LAPTM4B: variants seen among roughly 807,000 people sequenced by gnomAD.
LAPTM4B encodes lysosomal-associated transmembrane protein 4B.
LAPTM4B carries 26 observed loss-of-function variants against 28.5 expected under a neutral mutation model. That is an observed-to-expected ratio of 0.91 (90% CI 0.67 to 1.27). The LOEUF (loss-of-function observed/expected upper bound fraction) is 1.27. LAPTM4B is among the 50% of genes most tolerant of loss of function. The pLI, the probability that LAPTM4B is intolerant of heterozygous loss-of-function variation, is 0.00. For synonymous variants in LAPTM4B, 109 were observed against 106.4 expected (o/e 1.02, Z -0.15); for missense variants, 288 against 285.8 (o/e 1.01, Z -0.06).
chr8:97,777,310 C>T (rs993891959), intron 1 of LAPTM4B, among the ~76,000 whole-genome samples: 3 of 151,718 alleles, frequency 2.0e-5, no homozygotes, highest in Admixed American at 6.6e-5. Context: ...CTATGCCTAG[C>T]TAATTTTTTG....
chr8:97,792,470 G>A lies in LAPTM4B; in HGVS notation c.100-12883G>A, dbSNP rs1033874234. On this transcript the variant is annotated intron_variant, in intron 1 of 6. Transcript: ENST00000521545. ...GGGTTTCACCATGTTGTTCAGGCTG[G>A]TCTCAAACTCCTGAGCTCAAATGAT... 4.6e-5 allele frequency among the ~76,000 whole-genome samples: 7 copies of A among 152,112 alleles called. No individual in the cohort carries two copies. In the East Asian group the frequency reaches 1.2e-3, roughly 25 times the overall value.
intron 6 of LAPTM4B, among the ~76,000 whole-genome samples, chr8:97,838,249 G>A (rs148420389): frequency 2.6e-5 from 4 of 152,288 alleles, no homozygotes; most frequent in African/African-American, 7.2e-5. Flanking sequence ...CACCTTGAAC[G>A]TCATCTGGCC....
chr8:97,813,236 G>C (rs1029289491), intron 2 of LAPTM4B, among the ~76,000 whole-genome samples: 4 of 152,232 alleles, frequency 2.6e-5, no homozygotes, highest in African/African-American at 9.6e-5. Context: ...TCAGTTTGTG[G>C]CCAAAGGCCG....
intron 2 of LAPTM4B, among the ~76,000 whole-genome samples, chr8:97,807,887 T>TAAAA (rs58830867): frequency 1.2e-4 from 17 of 139,968 alleles, no homozygotes; most frequent in African/African-American, 4.3e-4. Flanking sequence ...AGAGATAACT[T>TAAAA]AAAAAAAAAA....
rs538572268 is a variant in LAPTM4B at position 97,841,491 on chromosome 8, C to T, written c.604-9906C>T. 1.1e-3 allele frequency among the ~76,000 whole-genome samples: 161 copies of T among 152,166 alleles called. 1 individual carries two copies. Among genetic ancestry groups the T allele is most frequent in the South Asian group, 8.1e-3 (39 of 4,816 alleles). On this transcript the variant is annotated intron_variant, in intron 6 of 6. Transcript: ENST00000521545. ...TACAGGCGCCTGCCATCACGCCCAG[C>T]TAATTTTTGTAGTTTTAGTAGAGGT...
chr8:97,807,128 C>T (rs1388323021), intron 2 of LAPTM4B, among the ~76,000 whole-genome samples: 2 of 152,018 alleles, frequency 1.3e-5, no homozygotes, highest in Non-Finnish European at 2.9e-5. Context: ...GGTGTAGGCT[C>T]CGAAGCCAGA....
At chr8:97,778,812 A>G (rs372640119) in intron 1 of LAPTM4B, among the ~76,000 whole-genome samples, 1 of 150,812 alleles carries the variant, frequency 6.6e-6, no homozygotes, top group Admixed American at 6.6e-5. Flanking sequence ...AATTTTGAGC[A>G]CTAGCCGTCT....
chr8:97,826,756 G>A lies in LAPTM4B; in HGVS notation c.603+1603G>A, dbSNP rs548014804. 1.2e-4 allele frequency among the ~76,000 whole-genome samples: 18 copies of A among 152,256 alleles called. No individual in the cohort carries two copies. The East Asian group carries it at 3.5e-3, about 29-fold the overall frequency. On this transcript the variant is annotated intron_variant, in intron 6 of 6. Coordinates refer to ENST00000521545, the MANE Select transcript of LAPTM4B (RefSeq NM_018407.6). ...ACTCCTGACTTCAGGTGATCCACCT[G>A]CCTTGGCCTCCCAAAGTGCCAGGAT...
chr8:97,784,931 C>G (rs1225628444), intron 1 of LAPTM4B, among the ~76,000 whole-genome samples: 1 of 152,026 alleles, frequency 6.6e-6, no homozygotes, highest in African/African-American at 2.4e-5. Flanking sequence ...TAGGTTTTCT[C>G]CATCTGATTT....
intron 6 of LAPTM4B, among the ~76,000 whole-genome samples, chr8:97,846,080 C>G (rs80210996): frequency 0.012 from 1,832 of 151,180 alleles, 38 homozygotes; most frequent in African/African-American, 0.042. Flanking sequence ...TTCTGGAACT[C>G]CTGAGGTCAA....
At chr8:97,820,791 C>T (rs1334458432) in intron 5 of LAPTM4B, among the ~76,000 whole-genome samples, 1 of 151,810 alleles carries the variant, frequency 6.6e-6, no homozygotes, top group East Asian at 2.0e-4. Flanking sequence ...TGCAGAGGTG[C>T]GATCTCGGCT....
chr8:97,829,434 T>A (rs748095607), intron 6 of LAPTM4B, among the ~76,000 whole-genome samples: 1 of 152,030 alleles, frequency 6.6e-6, no homozygotes, highest in African/African-American at 2.4e-5. Context: ...CTGGTTGATG[T>A]GAGTGTTGGG....
chr8:97,821,494 CTATT>C (rs922978088), intron 5 of LAPTM4B, among the ~76,000 whole-genome samples: 2 of 151,922 alleles, frequency 1.3e-5, no homozygotes, highest in African/African-American at 4.8e-5. Context: ...GGAGTCCACA[CTATT>C]TATTGGTAAT....
Position 97,851,570 on chromosome 8 carries a change from C to T in LAPTM4B, c.*96C>T. 1 of 905,624 alleles carries T rather than the reference C, an allele frequency of 1.1e-6. No homozygotes were observed. The highest frequency in any genetic ancestry group is 1.8e-6 in the Non-Finnish European group (1 of 560,624). 56.1% of individuals were successfully genotyped at this position (905,624 alleles called of 1,614,324 possible). A position where few individuals can be genotyped will look rare whatever the true frequency, so the allele number is the denominator to read the frequency against. ...CACTTTTGCCATGAGCCTCTCTGAG[C>T]TTGTTTGTTGCTGAAATGCTACTTT... On this transcript the variant is annotated 3_prime_UTR_variant, in exon 7 of 7. Transcript: ENST00000521545.
chr8:97,829,139 C>T (rs1817139040), intron 6 of LAPTM4B, among the ~76,000 whole-genome samples: 1 of 152,062 alleles, frequency 6.6e-6, no homozygotes, highest in Admixed American at 6.6e-5. Context: ...AGGGTAGCAG[C>T]TGTTAGAGGT....
chr8:97,776,186 G>A, intron 1 of LAPTM4B, 78 bp downstream of exon 1: 29 of 1,403,182 alleles, frequency 2.1e-5, no homozygotes, highest in Non-Finnish European at 2.5e-5. Flanking sequence ...GCCTCGCGGT[G>A]GGGTGAGGCG....
In LAPTM4B at chr8:97,776,050, G is replaced by C; in HGVS notation, c.41G>C (p.Ser14Thr). ...VAPWTRFYSN[S>T]CCLCCHVRTG... ...CCCTGGACGCGGTTCTACTCCAACAGCTGCTGCTTGTGCTGCCATGTCCGC... is the reference window on the plus strand; with the variant it reads ...CCCTGGACGCGGTTCTACTCCAACACCTGCTGCTTGTGCTGCCATGTCCGC... Residue 14 changes from serine to threonine, a missense_variant, in exon 1 of 7, where the codon AGC becomes ACC. By Grantham distance (58) the Ser-to-Thr change is moderately conservative. Transcript: ENST00000521545. 2 of 1,588,064 alleles carry C rather than the reference G, an allele frequency of 1.3e-6. No individual in the cohort carries two copies. Among genetic ancestry groups the C allele is most frequent in the Non-Finnish European group, 8.5e-7 (1 of 1,170,872 alleles).
chr8:97,799,314 C>T (rs1816636891), intron 1 of LAPTM4B, among the ~76,000 whole-genome samples: 2 of 152,142 alleles, frequency 1.3e-5, no homozygotes, highest in African/African-American at 4.8e-5. Context: ...TAGAATTGGG[C>T]AACACTTCAT....
chr8:97,787,019 T>C (rs1816414216), intron 1 of LAPTM4B, among the ~76,000 whole-genome samples: 1 of 152,024 alleles, frequency 6.6e-6, no homozygotes, highest in Non-Finnish European at 1.5e-5. Flanking sequence ...GGGGTGTAGC[T>C]CCACCATCCC....
Sources: allele counts gnomAD v4.1 joint callset (sites outside exome capture counted in the v4.1 genomes callset), GRCh38; gene constraint gnomAD v4.1.1; transcripts MANE v1.5; gene names NCBI Gene and HGNC (gene_info 2026-07-23, HGNC 2026-07-21).